Variants in HDAC9 observed in about 807,000 individuals in gnomAD.
The protein encoded by HDAC9 is histone deacetylase 9.
In HDAC9, 41 loss-of-function variants were observed where a neutral mutation model predicts 139.4. That is an observed-to-expected ratio of 0.29 (90% confidence interval 0.23 to 0.38). HDAC9 has a LOEUF of 0.38. HDAC9 is among the 10% of genes least tolerant of loss of function. The pLI, the probability that HDAC9 is intolerant of heterozygous loss-of-function variation, is 1.00. For missense variants in HDAC9, 1,147 were observed against 1,297.0 expected (o/e 0.88, Z 1.78); for synonymous variants, 517 against 476.2 (o/e 1.09, Z -1.12).
chr7:18,889,551 C>T (rs1408343199), intron 22 of HDAC9, among the ~76,000 whole-genome samples: 1 of 151,990 alleles, frequency 6.6e-6, no homozygotes, highest in Non-Finnish European at 1.5e-5. Flanking sequence ...TCATAATAAG[C>T]ATCCATGTTG....
intron 2 of HDAC9, among the ~76,000 whole-genome samples, chr7:18,522,611 A>G (rs1160717887): frequency 6.6e-6 from 1 of 151,590 alleles, no homozygotes; most frequent in Non-Finnish European, 1.5e-5. Context: ...AACAAAAAAC[A>G]AAAAACAAAA....
At chr7:18,946,036 C>CAAAATA (rs1563077235) in intron 23 of HDAC9, among the ~76,000 whole-genome samples, 21 of 38,276 alleles carry the variant, frequency 5.5e-4, no homozygotes, top group South Asian at 1.9e-3. Context: ...GACTCCGTCT[C>CAAAATA]AAAAAAAAAA....
At chr7:18,293,399 A>G (rs1797943494) in intron 1 of HDAC9, among the ~76,000 whole-genome samples, 1 of 152,018 alleles carries the variant, frequency 6.6e-6, no homozygotes, top group Admixed American at 6.6e-5. Context: ...TCAGCAAACT[A>G]TCGCAAGGAC....
intron 3 of HDAC9, among the ~76,000 whole-genome samples, chr7:18,588,121 C>T (rs1312813635): frequency 6.6e-6 from 1 of 152,142 alleles, no homozygotes; most frequent in Admixed American, 6.5e-5. Flanking sequence ...CTATGTCCTT[C>T]TGGGAGTAAT....
chr7:18,214,569 G>A (rs1792167249), intron 2 of HDAC9, among the ~76,000 whole-genome samples: 3 of 152,052 alleles, frequency 2.0e-5, no homozygotes. Flanking sequence ...CCAGTATATA[G>A]TTAAGAATTA....
intron 6 of HDAC9, among the ~76,000 whole-genome samples, chr7:18,605,216 T>A (rs529084488): frequency 6.6e-6 from 1 of 152,304 alleles, no homozygotes; most frequent in South Asian, 2.1e-4. Flanking sequence ...TAATTCACTG[T>A]TATAATACAG....
At chr7:18,886,150 T>A (rs1391088027) in intron 22 of HDAC9, among the ~76,000 whole-genome samples, 1 of 151,746 alleles carries the variant, frequency 6.6e-6, no homozygotes, top group Non-Finnish European at 1.5e-5. Context: ...GAATGAGTGC[T>A]CCATGTTCGC....
At chr7:18,833,016 A>T (rs188050857) in intron 19 of HDAC9, among the ~76,000 whole-genome samples, 1 of 152,140 alleles carries the variant, frequency 6.6e-6, no homozygotes, top group African/African-American at 2.4e-5. Flanking sequence ...GATTACAGGC[A>T]TGAGTCACCA....
intron 6 of HDAC9, among the ~76,000 whole-genome samples, chr7:18,611,487 C>A (rs1738410299): frequency 6.6e-6 from 1 of 152,026 alleles, no homozygotes; most frequent in South Asian, 2.1e-4. Context: ...TTTATTATTT[C>A]TCACCAGTTT....
chr7:18,166,269 G>A (rs1314520562), intron 2 of HDAC9, among the ~76,000 whole-genome samples: 1 of 152,188 alleles, frequency 6.6e-6, no homozygotes, highest in African/African-American at 2.4e-5. Flanking sequence ...AGTTTTCAAA[G>A]CCCCTTGTAT....
chr7:18,224,002 A>G (rs935916334), intron 2 of HDAC9, among the ~76,000 whole-genome samples: 7 of 152,202 alleles, frequency 4.6e-5, no homozygotes, highest in African/African-American at 1.4e-4. Flanking sequence ...CTTTCTATTC[A>G]GGAAAATAGT....
chr7:18,901,841 A>G (rs1202761229), intron 22 of HDAC9, among the ~76,000 whole-genome samples: 1 of 152,184 alleles, frequency 6.6e-6, no homozygotes, highest in African/African-American at 2.4e-5. Context: ...AATCTACTGC[A>G]TTTAACAAGC....
intron 2 of HDAC9, among the ~76,000 whole-genome samples, chr7:18,568,226 T>A (rs1011102489): frequency 3.9e-5 from 6 of 151,948 alleles, no homozygotes; most frequent in Admixed American, 6.6e-5. Flanking sequence ...AGGAGAACAC[T>A]CCTGAATCTT....
chr7:18,378,162 A>C (rs1045409685), intron 1 of HDAC9, among the ~76,000 whole-genome samples: 2 of 152,164 alleles, frequency 1.3e-5, no homozygotes, highest in African/African-American at 2.4e-5. Context: ...GCACTGACTG[A>C]ATGATTGAGT....
intron 1 of HDAC9, among the ~76,000 whole-genome samples, chr7:18,325,230 C>A (rs79473094): frequency 2.6e-3 from 392 of 152,150 alleles, no homozygotes; most frequent in African/African-American, 9.1e-3. Context: ...ATATTAGTTT[C>A]CTTAATTTTT....
chr7:18,178,387 C>A lies in HDAC9; in HGVS notation c.25+16038C>A, dbSNP rs150055272. Among the ~76,000 whole-genome samples the A allele has an allele frequency of 4.5e-3, 679 of 152,294 alleles. 5 individuals are homozygous for A. The highest frequency in any genetic ancestry group is 0.016 in the African/African-American group (658 of 41,558). On this transcript the variant is annotated intron_variant, in intron 2 of 12. Transcript: ENST00000417496. ...GGCGTGAGCCACTGCACCCGGCCCCCCTCTTTCTAAGGTGGCTTATCTATT... is the reference window on the plus strand; with the variant it reads ...GGCGTGAGCCACTGCACCCGGCCCCACTCTTTCTAAGGTGGCTTATCTATT...
chr7:18,365,303 A>G (rs1258215284), intron 1 of HDAC9, among the ~76,000 whole-genome samples: 3 of 152,076 alleles, frequency 2.0e-5, no homozygotes, highest in African/African-American at 7.2e-5. Context: ...TCGGAGCTGC[A>G]TGGAATATTG....
chr7:18,280,631 C>T (rs958491701), intron 2 of HDAC9, among the ~76,000 whole-genome samples: 2 of 150,574 alleles, frequency 1.3e-5, no homozygotes, highest in Non-Finnish European at 3.0e-5. Flanking sequence ...GGCGTGTTGG[C>T]CTGCACTTAT....
At chr7:18,697,855 T>C (rs1783168178) in intron 12 of HDAC9, among the ~76,000 whole-genome samples, 1 of 152,122 alleles carries the variant, frequency 6.6e-6, no homozygotes, top group Non-Finnish European at 1.5e-5. Context: ...GGTTGGATGT[T>C]ATTTTAGGGT....
Sources: gnomAD v4.1 joint callset for allele counts (sites outside exome capture counted in the v4.1 genomes callset) on GRCh38, gnomAD v4.1.1 for gene constraint, MANE v1.5 for transcripts, NCBI Gene and HGNC (gene_info 2026-07-23, HGNC 2026-07-21) for gene names.